Variants in CHMP4C observed in about 807,000 individuals in gnomAD.
CHMP4C encodes charged multivesicular body protein 4C.
A neutral mutation model predicts 29.0 loss-of-function variants in CHMP4C; 28 were observed. The observed-to-expected ratio is 0.97, with a 90% CI of 0.72 to 1.32. The LOEUF is 1.32. Ranked by LOEUF, CHMP4C falls within the 40% of genes most tolerant of loss-of-function variation. The probability of loss-of-function intolerance (pLI) is 0.00; values close to 1 mark genes in which losing one functional copy is unlikely to be tolerated. For missense variants in CHMP4C, 291 were observed against 281.0 expected, an observed-to-expected ratio of 1.04 and a Z score of -0.25; for synonymous variants, 106 against 102.4, an observed-to-expected ratio of 1.04 and a Z score of -0.21.
chr8:81,733,732 T>C (rs2130468645), intron 1 of CHMP4C, among the ~76,000 whole-genome samples: 1 of 152,234 alleles, frequency 6.6e-6, no homozygotes, highest in East Asian at 1.9e-4. Context: ...AGATAAAAAC[T>C]CAGTGAGAAG....
chr8:81,751,305 A>G (rs1326737210), intron 1 of CHMP4C, among the ~76,000 whole-genome samples: 1 of 152,126 alleles, frequency 6.6e-6, no homozygotes, highest in Non-Finnish European at 1.5e-5. Flanking sequence ...GAAGCTTATG[A>G]TTGTTAAAAT....
At chr8:81,743,344 A>C (rs1808786670) in intron 1 of CHMP4C, among the ~76,000 whole-genome samples, 1 of 151,648 alleles carries the variant, frequency 6.6e-6, no homozygotes, top group Non-Finnish European at 1.5e-5. Flanking sequence ...TTTTTCTGTT[A>C]AATATATAAA....
At chr8:81,746,301 A>G (rs1808821862) in intron 1 of CHMP4C, among the ~76,000 whole-genome samples, 1 of 152,202 alleles carries the variant, frequency 6.6e-6, no homozygotes, top group Non-Finnish European at 1.5e-5. Flanking sequence ...TTGCATGGAA[A>G]TCCAGATGTC....
chr8:81,743,987 A>G (rs58058051), intron 1 of CHMP4C, among the ~76,000 whole-genome samples: 2,987 of 152,318 alleles, frequency 0.02, 99 homozygotes, highest in African/African-American at 0.068. Flanking sequence ...GCTTATAGCA[A>G]TATTGCACTT....
At chr8:81,753,594 G>C (rs1004558623) in intron 2 of CHMP4C, among the ~76,000 whole-genome samples, 7 of 152,080 alleles carry the variant, frequency 4.6e-5, no homozygotes, top group Non-Finnish European at 8.8e-5. Flanking sequence ...GAGGGAATCA[G>C]AATCACCTGG....
At chr8:81,746,655 C>A (rs1268422493) in intron 1 of CHMP4C, among the ~76,000 whole-genome samples, 2 of 152,188 alleles carry the variant, frequency 1.3e-5, no homozygotes, top group Admixed American at 6.5e-5. Flanking sequence ...GTTGGGCCAA[C>A]ATGTAGTGTG....
chr8:81,737,434 T>C (rs1423417475), intron 1 of CHMP4C, among the ~76,000 whole-genome samples: 4 of 152,220 alleles, frequency 2.6e-5, no homozygotes, highest in Non-Finnish European at 5.9e-5. Flanking sequence ...GGTATCAATA[T>C]CTCAGCACAC....
intron 1 of CHMP4C, among the ~76,000 whole-genome samples, chr8:81,747,323 G>A (rs948635821): frequency 3.3e-5 from 5 of 151,834 alleles, no homozygotes; most frequent in African/African-American, 1.2e-4. Flanking sequence ...ATTTTTAAAT[G>A]GAGAACTTAA....
Position 81,758,658 on chromosome 8 carries a change from T to A in CHMP4C, c.*114T>A. The stretch of plus-strand genomic sequence containing the variant: ...CTGCTTTATAATTATATTGAATGAA[T>A]AATTGTGTTTTAAGCCTCCTAAGTA... On this transcript the variant is annotated 3_prime_UTR_variant, in exon 5 of 5. Transcript: ENST00000297265. 2.7e-6 allele frequency: 2 copies of A among 749,786 alleles called. No individual in the cohort carries two copies. Among genetic ancestry groups the A allele is most frequent in the Non-Finnish European group, 4.5e-6 (2 of 447,070 alleles). The allele number at this position is 749,786 out of a possible 1,614,324, so 46.4% of individuals were successfully genotyped here. A position where few individuals can be genotyped will look rare whatever the true frequency, so the allele number is the denominator to read the frequency against.
In CHMP4C at chr8:81,758,464, C is replaced by T. The variant is rs1585949516; in HGVS notation, c.638-16C>T. 2 of 1,602,580 alleles carry T rather than the reference C, an allele frequency of 1.2e-6. No individual in the cohort carries two copies. Among genetic ancestry groups the T allele is most frequent in the Admixed American group, 3.4e-5 (2 of 59,696 alleles). On this transcript the variant is annotated splice_polypyrimidine_tract_variant and intron_variant, in intron 4 of 4. Transcript: ENST00000297265. The stretch of plus-strand genomic sequence containing the variant: ...AATGTCACCAATTACTAATTTTTAT[C>T]TATTTTATGTTCCAGCATCTTCCCA...
chr8:81,740,178 G>A (rs1035534990), intron 1 of CHMP4C, among the ~76,000 whole-genome samples: 4 of 152,204 alleles, frequency 2.6e-5, no homozygotes, highest in African/African-American at 7.2e-5. Flanking sequence ...TTTCAGGATG[G>A]CCTTTGCATG....
intron 1 of CHMP4C, among the ~76,000 whole-genome samples, chr8:81,744,142 T>C (rs1808795360): frequency 6.6e-6 from 1 of 152,196 alleles, no homozygotes. Flanking sequence ...TTACCCTCCA[T>C]GTGACATTTA....
At chr8:81,752,966 T>A in intron 1 of CHMP4C, 98 bp from the exon 2 acceptor site, 1 of 977,428 alleles carries the variant, frequency 1.0e-6, no homozygotes, top group South Asian at 2.0e-5. Context: ...TTGTCCTTAG[T>A]TATCAGAAGG....
intron 1 of CHMP4C, among the ~76,000 whole-genome samples, chr8:81,747,167 C>G (rs1808835518): frequency 6.6e-6 from 1 of 152,128 alleles, no homozygotes; most frequent in Non-Finnish European, 1.5e-5. Flanking sequence ...GGTCATGCAT[C>G]ACGATTATTA....
At chr8:81,733,973 C>G (rs1808652292) in intron 1 of CHMP4C, among the ~76,000 whole-genome samples, 1 of 152,172 alleles carries the variant, frequency 6.6e-6, no homozygotes, top group Non-Finnish European at 1.5e-5. Flanking sequence ...CTGCCTCTTT[C>G]TGTAAAAGTG....
chr8:81,736,085 CAATA>C (rs55869119), intron 1 of CHMP4C, among the ~76,000 whole-genome samples: 18,122 of 135,508 alleles, frequency 0.13, 1,293 homozygotes, highest in Middle Eastern at 0.18. Flanking sequence ...GACTATGTCT[CAATA>C]AATAAATAAA....
rs1322063596 is a variant in CHMP4C at position 81,755,838 on chromosome 8, C to T, written c.483+354C>T. Reference sequence around the variant, plus strand: ...ACTTCGTCATTCTGCATGAAACAGACGTATCATGCTCTGTAGCTGTTAAAT... The same window carrying T: ...ACTTCGTCATTCTGCATGAAACAGATGTATCATGCTCTGTAGCTGTTAAAT... On this transcript the variant is annotated intron_variant, in intron 3 of 4. Coordinates refer to ENST00000297265, the MANE Select transcript of CHMP4C (RefSeq NM_152284.4). 3.3e-5 allele frequency among the ~76,000 whole-genome samples: 5 copies of T among 152,252 alleles called. No homozygotes were observed. In the East Asian group the frequency reaches 7.7e-4, roughly 23 times the overall value.
chr8:81,742,491 T>A (rs1808773519), intron 1 of CHMP4C, among the ~76,000 whole-genome samples: 2 of 152,200 alleles, frequency 1.3e-5, no homozygotes, highest in Non-Finnish European at 2.9e-5. Flanking sequence ...TTTAGAGGAG[T>A]AAAATTATGC....
At position 81,732,806 on chromosome 8, in the gene CHMP4C, G is replaced by C. The variant is rs763608591; in HGVS notation, c.180G>C (p.Gln60His). Residue 60 changes from glutamine to histidine, a missense_variant, in exon 1 of 5, where the codon CAG becomes CAC. Physicochemically the swap from Gln to His is conservative, Grantham distance 24 (BLOSUM62 0). Transcript: ENST00000297265. ...CCCTGGCCAAGAAGCACGGCACGCA[G>C]AATAAGCGAGGTAGGCTGGGGTCTG... ...EIALAKKHGT[Q>H]NKRAALQALK... The C allele has an allele frequency of 1.2e-6, 2 of 1,611,802 alleles. No individual in the cohort carries two copies. The highest frequency in any genetic ancestry group is 1.7e-6 in the Non-Finnish European group (2 of 1,179,008).
Sources: allele counts gnomAD v4.1 joint callset (sites outside exome capture counted in the v4.1 genomes callset), GRCh38; gene constraint gnomAD v4.1.1; transcripts MANE v1.5; gene names NCBI Gene and HGNC (gene_info 2026-07-23, HGNC 2026-07-21).